Variants in DAB1 observed in about 807,000 individuals in gnomAD.
DAB1 encodes the protein disabled homolog 1.
A neutral mutation model predicts 64.6 loss-of-function variants in DAB1; 15 were observed. The ratio of observed to expected loss-of-function variants is 0.23; its 90% confidence interval spans 0.16 to 0.36. The LOEUF (loss-of-function observed/expected upper bound fraction) is 0.36. Ranked by LOEUF, DAB1 falls within the 10% of genes least tolerant of loss-of-function variation. DAB1 has a pLI of 1.00. For missense variants in DAB1, 596 were observed against 706.7 expected, an observed-to-expected ratio of 0.84 and a Z score of 1.78; for synonymous variants, 235 against 251.9, an observed-to-expected ratio of 0.93 and a Z score of 0.64.
chr1:58,197,548 C>A (rs775818560), intron 4 of DAB1, among the ~76,000 whole-genome samples: 1 of 151,816 alleles, frequency 6.6e-6, no homozygotes, highest in African/African-American at 2.4e-5. Context: ...CGCGCCACTA[C>A]ACCCAGCTAG....
intron 5 of DAB1, among the ~76,000 whole-genome samples, chr1:58,092,032 G>C (rs1406328862): frequency 6.6e-6 from 1 of 151,280 alleles, no homozygotes; most frequent in African/African-American, 2.4e-5. Flanking sequence ...TCCAAGATTG[G>C]GTAATTAAAA....
chr1:57,389,671 G>A (rs146946094), intron 1 of DAB1, among the ~76,000 whole-genome samples: 95 of 152,242 alleles, frequency 6.2e-4, no homozygotes, highest in African/African-American at 2.2e-3. Flanking sequence ...AGGGAAGGAA[G>A]GAGCATACTA....
intron 5 of DAB1, among the ~76,000 whole-genome samples, chr1:57,972,732 C>A (rs1645829217): frequency 6.6e-6 from 1 of 152,234 alleles, no homozygotes; most frequent in Non-Finnish European, 1.5e-5. Flanking sequence ...TGTTTATGAA[C>A]ACTTTCTGAG....
chr1:58,077,095 C>A (rs942442299), intron 5 of DAB1, among the ~76,000 whole-genome samples: 1 of 152,048 alleles, frequency 6.6e-6, no homozygotes, highest in African/African-American at 2.4e-5. Context: ...CAGGGGCTGA[C>A]TTTACCCACA....
At chr1:57,831,155 C>A (rs866629265) in intron 1 of DAB1, among the ~76,000 whole-genome samples, 1 of 152,106 alleles carries the variant, frequency 6.6e-6, no homozygotes, top group East Asian at 1.9e-4. Flanking sequence ...CCCCGTGGTC[C>A]GCCCACCTCG....
rs528253935 is a variant in DAB1 at position 57,871,999 on chromosome 1, C to T, written n.87+12000G>A. On this transcript the variant is annotated intron_variant and non_coding_transcript_variant, in intron 1 of 1. Coordinates refer to the DAB1 transcript ENST00000477280. ...ACTTGGAGCAGGTATTGTATAGTCTCTAAGCCTTAGCTTCCTCATCTGTAA... is the reference window on the plus strand; with the variant it reads ...ACTTGGAGCAGGTATTGTATAGTCTTTAAGCCTTAGCTTCCTCATCTGTAA... 3.9e-5 allele frequency among the ~76,000 whole-genome samples: 6 copies of T among 152,230 alleles called. No individual in the cohort carries two copies. The East Asian group carries it at 1.2e-3, about 30-fold the overall frequency.
chr1:57,353,599 T>A (rs954091405), intron 1 of DAB1, among the ~76,000 whole-genome samples: 2 of 152,178 alleles, frequency 1.3e-5, no homozygotes, highest in African/African-American at 4.8e-5. Flanking sequence ...TTCACTTCTA[T>A]CTCATTTTGT....
At chr1:57,645,159 A>C (rs1012570594) in intron 7 of DAB1, among the ~76,000 whole-genome samples, 4 of 152,158 alleles carry the variant, frequency 2.6e-5, no homozygotes, top group African/African-American at 9.7e-5. Flanking sequence ...ATACCTCCCA[A>C]GTCTCCCTGT....
intron 5 of DAB1, among the ~76,000 whole-genome samples, chr1:57,994,165 T>C (rs553146510): frequency 1.3e-3 from 202 of 152,274 alleles, no homozygotes; most frequent in African/African-American, 4.5e-3. Context: ...AAAGTGTACA[T>C]AGAGCAAGGT....
intron 5 of DAB1, among the ~76,000 whole-genome samples, chr1:57,983,922 T>TAC (rs954496642): frequency 6.6e-6 from 1 of 152,064 alleles, no homozygotes; most frequent in Non-Finnish European, 1.5e-5. Flanking sequence ...AGAATAGTGC[T>TAC]ATTTGTGTAA....
At position 57,221,702 on chromosome 1, in the gene DAB1, T is replaced by A. The variant is rs1037540667; in HGVS notation, c.67+69262A>T. ...GTACTTTCAGCAGTCACACTCTCCC[T>A]ACTTTGGCCTTGAGAAAGACAGACA... is the stretch of plus-strand genomic sequence containing the variant. On this transcript the variant is annotated intron_variant, in intron 2 of 14. Transcript: ENST00000371236. Among the ~76,000 whole-genome samples the A allele has an allele frequency of 3.9e-5, 6 of 152,280 alleles. No individual in the cohort carries two copies. The South Asian group carries it at 1.2e-3, about 32-fold the overall frequency.
chr1:57,801,920 A>C (rs1040709403), intron 6 of DAB1, among the ~76,000 whole-genome samples: 2 of 152,186 alleles, frequency 1.3e-5, no homozygotes, highest in African/African-American at 4.8e-5. Context: ...GGCTCCCCAA[A>C]GTGCTGGGAT....
At chr1:57,462,105 C>T (rs764727645) in intron 7 of DAB1, among the ~76,000 whole-genome samples, 15 of 151,846 alleles carry the variant, frequency 9.9e-5, no homozygotes, top group South Asian at 2.1e-4. Context: ...CCTGCCACCA[C>T]GCCCGGCTAA....
At chr1:57,365,334 AAT>A (rs1189645311) in intron 1 of DAB1, among the ~76,000 whole-genome samples, 5 of 142,720 alleles carry the variant, frequency 3.5e-5, no homozygotes, top group African/African-American at 1.3e-4. Flanking sequence ...TTATATAAAG[AAT>A]ATATATAAAT....
At chr1:57,163,561 G>A (rs1278179376) in intron 2 of DAB1, among the ~76,000 whole-genome samples, 1 of 152,056 alleles carries the variant, frequency 6.6e-6, no homozygotes, top group African/African-American at 2.4e-5. Flanking sequence ...GGAAAGCCAC[G>A]CTGGTGGTGG....
At chr1:57,830,497 C>G (rs1041889610) in intron 1 of DAB1, among the ~76,000 whole-genome samples, 4 of 152,188 alleles carry the variant, frequency 2.6e-5, no homozygotes, top group Admixed American at 6.6e-5. Context: ...AGCTGGCCTT[C>G]TCAAACACTT....
At chr1:57,761,862 C>A (rs1649103364) in intron 6 of DAB1, among the ~76,000 whole-genome samples, 1 of 152,176 alleles carries the variant, frequency 6.6e-6, no homozygotes, top group African/African-American at 2.4e-5. Flanking sequence ...TTCAAAAAGA[C>A]TCCCCCAGAC....
intron 7 of DAB1, among the ~76,000 whole-genome samples, chr1:57,513,449 G>C (rs1053626953): frequency 1.3e-5 from 2 of 151,864 alleles, no homozygotes; most frequent in African/African-American, 4.8e-5. Context: ...TTGGTTTTCT[G>C]CCATCAATCT....
At chr1:57,412,692 C>A (rs1260887786) in intron 1 of DAB1, among the ~76,000 whole-genome samples, 1 of 152,074 alleles carries the variant, frequency 6.6e-6, no homozygotes, top group African/African-American at 2.4e-5. Context: ...TCTATGAAGG[C>A]TAAGAGAAGT....
Sources: gnomAD v4.1 joint callset for allele counts (sites outside exome capture counted in the v4.1 genomes callset) on GRCh38, gnomAD v4.1.1 for gene constraint, MANE v1.5 for transcripts, NCBI Gene and HGNC (gene_info 2026-07-23, HGNC 2026-07-21) for gene names.